Variants in MFSD6 observed in about 807,000 individuals in gnomAD.
MFSD6 encodes the protein major facilitator superfamily domain containing 6.
A neutral mutation model predicts 56.3 loss-of-function variants in MFSD6; 26 were observed. The observed-to-expected ratio is 0.46, with a 90% CI of 0.34 to 0.64. The LOEUF is 0.64. Among genes scored for constraint, MFSD6 ranks in the 30% least tolerant of loss-of-function variants. The pLI, the probability that MFSD6 is intolerant of heterozygous loss-of-function variation, is 0.01. For missense variants in MFSD6, 750 were observed against 986.2 expected (o/e 0.76, Z 3.21); for synonymous variants, 331 against 366.9 (o/e 0.90, Z 1.12).
chr2:190,422,599 T>C (rs1458935083), intron 2 of MFSD6, among the ~76,000 whole-genome samples: 1 of 152,200 alleles, frequency 6.6e-6, no homozygotes, highest in East Asian at 1.9e-4. Flanking sequence ...ATGCTTATTA[T>C]GTGAAATATT....
rs187408350 is a variant in MFSD6, at chr2:190,431,234, C to G, written c.-53-4743C>G. 2.7e-5 allele frequency among the ~76,000 whole-genome samples: 4 copies of G among 150,556 alleles called. No individual in the cohort carries two copies. Among genetic ancestry groups the G allele is most frequent in the African/African-American group, 9.8e-5 (4 of 40,762 alleles). On this transcript the variant is annotated intron_variant, in intron 2 of 7. Transcript: ENST00000392328. This position sits in a 1 kb window ranked among gnomAD's most constrained non-coding sequence, Gnocchi z 4.4. ...TCACTTCCCAGACTGGGCAGCCAGG[C>G]AGAGGGGCTCCTCACCTCCCAGAGG...
intron 3 of MFSD6, among the ~76,000 whole-genome samples, chr2:190,450,869 T>G (rs763447441): frequency 3.3e-5 from 5 of 152,230 alleles, no homozygotes; most frequent in Admixed American, 6.5e-5. Flanking sequence ...GAATAAACTT[T>G]CGGTTACATT....
chr2:190,481,998 C>T (rs1234374104), intron 4 of MFSD6, among the ~76,000 whole-genome samples: 1 of 152,158 alleles, frequency 6.6e-6, no homozygotes, highest in Non-Finnish European at 1.5e-5. Context: ...TCCCAGCCTC[C>T]CTTGCAGTTA....
chr2:190,448,573 A>G (rs749062924), intron 3 of MFSD6, among the ~76,000 whole-genome samples: 40 of 152,348 alleles, frequency 2.6e-4, no homozygotes, highest in Admixed American at 2.0e-4. Context: ...AAAATAATAC[A>G]CAATTCAGTA....
chr2:190,486,033 A>G (rs1284703364), intron 4 of MFSD6, among the ~76,000 whole-genome samples: 2 of 152,182 alleles, frequency 1.3e-5, no homozygotes, highest in African/African-American at 4.8e-5. Flanking sequence ...CTGTCTTCCT[A>G]TAAATATTCT....
At chr2:190,473,401 G>A (rs1177948274) in intron 4 of MFSD6, among the ~76,000 whole-genome samples, 1 of 152,044 alleles carries the variant, frequency 6.6e-6, no homozygotes, top group Admixed American at 6.6e-5. Flanking sequence ...GATCTACCAA[G>A]CAAATGGAAA....
chr2:190,474,041 G>T (rs1688123847), intron 4 of MFSD6, among the ~76,000 whole-genome samples: 1 of 152,154 alleles, frequency 6.6e-6, no homozygotes, highest in Non-Finnish European at 1.5e-5. Flanking sequence ...CAATGTACCA[G>T]AATCTCTGGG....
Position 190,501,523 on chromosome 2 carries a change from A to C in MFSD6, c.*1305A>C, listed in dbSNP as rs1212227300. 6.6e-6 allele frequency: 1 copy of C among 152,206 alleles called. No individual in the cohort carries two copies. The highest frequency in any genetic ancestry group is 2.4e-5 in the African/African-American group (1 of 41,452). The allele number at this position is 152,206 out of a possible 1,614,324, so 9.4% of individuals were successfully genotyped here. ...AAGGGAAAACTGTTTTAGCTGAATA[A>C]AGGTGAATTATATAATTTATAATAG... On this transcript the variant is annotated 3_prime_UTR_variant, in exon 8 of 8. Transcript: ENST00000392328.
chr2:190,494,818 C>T lies in MFSD6; in HGVS notation c.1892-2621C>T, dbSNP rs995016064. 4.6e-5 allele frequency among the ~76,000 whole-genome samples: 7 copies of T among 152,176 alleles called. No individual in the cohort carries two copies. Among genetic ancestry groups the T allele is most frequent in the African/African-American group, 1.4e-4 (6 of 41,532 alleles). On this transcript the variant is annotated intron_variant, in intron 6 of 7. Coordinates refer to ENST00000392328, the MANE Select transcript of MFSD6 (RefSeq NM_017694.4). This position sits in a 1 kb window ranked among gnomAD's most constrained non-coding sequence, Gnocchi z 5.7. The stretch of plus-strand genomic sequence containing the variant: ...CCAGCATCCCTTTATGATTAAAACC[C>T]TTAGCAAAATCAGCATACAAGAGAC...
At position 190,413,280 on chromosome 2, in the gene MFSD6, G is replaced by A. The variant is rs751013879; in HGVS notation, c.-175-2012G>A. On this transcript the variant is annotated intron_variant, in intron 1 of 7. Coordinates refer to ENST00000392328, the MANE Select transcript of MFSD6 (RefSeq NM_017694.4). This position sits in a 1 kb window ranked among gnomAD's most constrained non-coding sequence, Gnocchi z 4.1. ...GTGGTCCTGCTGCATTTTAGGATGGGAGGGGCGGGGTAGAATGGGGGAGAA... is the reference window on the plus strand; with the variant it reads ...GTGGTCCTGCTGCATTTTAGGATGGAAGGGGCGGGGTAGAATGGGGGAGAA... 3.9e-5 allele frequency among the ~76,000 whole-genome samples: 6 copies of A among 152,118 alleles called. No individual in the cohort carries two copies. The highest frequency in any genetic ancestry group is 5.9e-5 in the Non-Finnish European group (4 of 68,032).
At chr2:190,480,859 A>G (rs1688624011) in intron 4 of MFSD6, among the ~76,000 whole-genome samples, 1 of 152,244 alleles carries the variant, frequency 6.6e-6, no homozygotes, top group South Asian at 2.1e-4. Context: ...AAAACATACA[A>G]TACAAAAAAG....
Position 190,417,912 on chromosome 2 carries a change from G to T in MFSD6, c.-54+2499G>T, listed in dbSNP as rs1326127071. ...TCTTTTAGTTAATAAATTATATAGG[G>T]CTATGTGGCTTTTCTTCCATTATTA... On this transcript the variant is annotated intron_variant, in intron 2 of 7. Coordinates refer to ENST00000392328, the MANE Select transcript of MFSD6 (RefSeq NM_017694.4). This position sits in a 1 kb window ranked among gnomAD's most constrained non-coding sequence, Gnocchi z 5.7. Among the ~76,000 whole-genome samples, 2 of 151,076 alleles carry T rather than the reference G, an allele frequency of 1.3e-5. No individual in the cohort carries two copies. Among genetic ancestry groups the T allele is most frequent in the Admixed American group, 6.6e-5 (1 of 15,152 alleles).
rs528027045 is a variant in MFSD6, at chr2:190,420,006, A to G, written c.-54+4593A>G. Among the ~76,000 whole-genome samples the G allele has an allele frequency of 3.3e-5, 5 of 152,376 alleles. No homozygotes were observed. The South Asian group carries it at 1.0e-3, about 32-fold the overall frequency. On this transcript the variant is annotated intron_variant, in intron 2 of 7. Transcript: ENST00000392328. ...TAGAGAATATTTCCCAGAAAAGATC[A>G]TAAAGTTAATTCTGTATATAATTTG... is the stretch of plus-strand genomic sequence containing the variant.
chr2:190,476,532 A>T (rs184629454), intron 4 of MFSD6, among the ~76,000 whole-genome samples: 3 of 152,250 alleles, frequency 2.0e-5, no homozygotes, highest in Admixed American at 2.0e-4. Context: ...TAGAATGGCA[A>T]TCATTAAAAA....
chr2:190,482,868 C>CTTTTTTTTTTTTTTTTTTTTTTTTT (rs199927176), intron 4 of MFSD6, among the ~76,000 whole-genome samples: 1 of 48,292 alleles, frequency 2.1e-5, no homozygotes, highest in Non-Finnish European at 3.8e-5. Context: ...AGACTATCAT[C>CTTTTTTTTTTTTTTTTTTTTTTTTT]TTTTTTTTTT....
In MFSD6 at chr2:190,422,460, AAG is replaced by A. The variant is rs60135452; in HGVS notation, c.-54+7051_-54+7052del. 4.4e-3 allele frequency among the ~76,000 whole-genome samples: 675 copies of A among 152,308 alleles called. 11 individuals are homozygous for A. The highest frequency in any genetic ancestry group is 0.015 in the African/African-American group (641 of 41,558). On this transcript the variant is annotated intron_variant, in intron 2 of 7. Transcript: ENST00000392328. ...GAACACAACCTGAGAAAGGGTACATAAGAGATAAATTTTGTGAGAAATTGCAT... is the reference window on the plus strand; with the variant it reads ...GAACACAACCTGAGAAAGGGTACATAAGATAAATTTTGTGAGAAATTGCAT...
Position 190,418,556 on chromosome 2 carries a change from G to C in MFSD6, c.-54+3143G>C, listed in dbSNP as rs1690885351. 6.6e-6 allele frequency among the ~76,000 whole-genome samples: 1 copy of C among 152,104 alleles called. No homozygotes were observed. On this transcript the variant is annotated intron_variant, in intron 2 of 7. Transcript: ENST00000392328. This position sits in a 1 kb window ranked among gnomAD's most constrained non-coding sequence, Gnocchi z 4.1. ...GGATCACTTGAGCCCAGGAGTTCAA[G>C]ACCAGCCTGGGCAACATAGTGAGAC...
Position 190,463,837 on chromosome 2 carries a change from TA to T in MFSD6, c.1533-5917del. ...CCTGTCTCAAAAATAAATAAATAAA[TA>T]AAATAAAAATAAAAAGCTGAGAATG... On this transcript the variant is annotated intron_variant, in intron 3 of 7. Coordinates refer to ENST00000392328, the MANE Select transcript of MFSD6 (RefSeq NM_017694.4). The surrounding 1 kb of genome is among the most constrained non-coding windows in gnomAD (Gnocchi z 4.4). 1.0e-6 allele frequency: 1 copy of T among 962,244 alleles called. No individual in the cohort carries two copies. The highest frequency in any genetic ancestry group is 1.2e-6 in the Non-Finnish European group (1 of 809,204). The allele number at this position is 962,244 out of a possible 1,614,324, so 59.6% of individuals were successfully genotyped here. A position where few individuals can be genotyped will look rare whatever the true frequency, so the allele number is the denominator to read the frequency against.
Position 190,437,433 on chromosome 2 carries a change from C to G in MFSD6, c.1404C>G (p.Leu468=), listed in dbSNP as rs748962411. 4 of 1,614,220 alleles carry G rather than the reference C, an allele frequency of 2.5e-6. No homozygotes were observed. The East Asian group carries it at 8.9e-5, about 36-fold the overall frequency. ...GATATGGCTTCGTGTTCACCTTTCTCTACTGGCATTTGGAAGACCTCAATG... is the reference window on the plus strand; with the variant it reads ...GATATGGCTTCGTGTTCACCTTTCTGTACTGGCATTTGGAAGACCTCAATG... ...GFGYGFVFTF[L]YWHLEDLNGT... Residue 468 remains leucine, a synonymous_variant, in exon 3 of 8, where the codon CTC becomes CTG. Coordinates refer to ENST00000392328, the MANE Select transcript of MFSD6 (RefSeq NM_017694.4). This position sits in a 1 kb window ranked among gnomAD's most constrained non-coding sequence, Gnocchi z 5.9.
Sources: gnomAD v4.1 joint callset for allele counts (sites outside exome capture counted in the v4.1 genomes callset) on GRCh38, gnomAD v4.1.1 for gene constraint, Gnocchi (gnomAD v3.1) non-coding constraint, MANE v1.5 for transcripts, NCBI Gene and HGNC (gene_info 2026-07-23, HGNC 2026-07-21) for gene names.